LGI4: variants seen among roughly 807,000 people sequenced by gnomAD.
LGI4 encodes leucine-rich repeat LGI family member 4.
A neutral mutation model predicts 48.3 loss-of-function variants in LGI4; 36 were observed. The ratio of observed to expected loss-of-function variants is 0.75; its 90% confidence interval spans 0.57 to 0.98. The LOEUF (loss-of-function observed/expected upper bound fraction) is 0.98. Among genes scored for constraint, LGI4 ranks in the 50% least tolerant of loss-of-function variants. LGI4 has a pLI of 0.00. For synonymous variants in LGI4, 355 were observed against 331.6 expected, an observed-to-expected ratio of 1.07 and a Z score of -0.77; for missense variants, 701 against 732.1, an observed-to-expected ratio of 0.96 and a Z score of 0.49.
rs539577671 is a variant in LGI4, at chr19:35,124,890, T to C, written c.*303A>G. 8 of 279,028 alleles carry C rather than the reference T, an allele frequency of 2.9e-5. No homozygotes were observed. The Admixed American group carries it at 4.0e-4, about 14-fold the overall frequency. The allele number at this position is 279,028 out of a possible 1,614,324, so 17.3% of individuals were successfully genotyped here. ...CTCTGCACGTGACCTCCACCTCGAC[T>C]CCATGCAGTGCACCAGCCTGCACCC... is the stretch of plus-strand genomic sequence containing the variant. On this transcript the variant is annotated 3_prime_UTR_variant, in exon 9 of 9. Transcript: ENST00000310123.
chr19:35,131,920 G>A (rs1325927213), intron 4 of LGI4, 51 bp downstream of exon 4: 1 of 1,566,464 alleles, frequency 6.4e-7, no homozygotes, highest in Non-Finnish European at 8.7e-7. Flanking sequence ...TTCCCTGGGG[G>A]GTGGAGCATG....
rs2065121165 is a variant in LGI4, at chr19:35,125,066, A to G, written c.*127T>C. 2 of 749,072 alleles carry G rather than the reference A, an allele frequency of 2.7e-6. No homozygotes were observed. Among genetic ancestry groups the G allele is most frequent in the East Asian group, 5.5e-5 (2 of 36,584 alleles). 46.4% of individuals were successfully genotyped at this position (749,072 alleles called of 1,614,324 possible). On this transcript the variant is annotated 3_prime_UTR_variant, in exon 9 of 9. Transcript: ENST00000310123. ...TTTAAGAAGTGGGCTTAAGGCCTAG[A>G]CGTGTGGCTGATGAACGTGGCCCAC...
In LGI4 at chr19:35,134,783, G is replaced by T; in HGVS notation, c.-103C>A. 1 of 613,098 alleles carries T rather than the reference G, an allele frequency of 1.6e-6. No homozygotes were observed. Among genetic ancestry groups the T allele is most frequent in the South Asian group, 2.0e-5 (1 of 49,988 alleles). 38.0% of individuals were successfully genotyped at this position (613,098 alleles called of 1,614,324 possible). A position where few individuals can be genotyped will look rare whatever the true frequency, so the allele number is the denominator to read the frequency against. On this transcript the variant is annotated 5_prime_UTR_variant, in exon 1 of 9. Coordinates refer to ENST00000310123, the MANE Select transcript of LGI4 (RefSeq NM_139284.3). ...CCAGGCCGCCCTCCATCCGCCTGCT[G>T]GCACGCTCGGCCCTGGCTTCTCTCT...
chr19:35,131,453 G>A lies in LGI4; in HGVS notation c.561C>T (p.Gly187=), dbSNP rs1179662809. 2 of 1,551,902 alleles carry A rather than the reference G, an allele frequency of 1.3e-6. No homozygotes were observed. The highest frequency in any genetic ancestry group is 1.7e-6 in the Non-Finnish European group (2 of 1,147,164). Residue 187 remains glycine, a synonymous_variant, in exon 6 of 9, where the codon GGC becomes GGT. Coordinates refer to ENST00000310123, the MANE Select transcript of LGI4 (RefSeq NM_139284.3). ...GCTGCATGTGGCTCAGGGAGGCGGG[G>A]CCCGCACAGGCGCCGGTCCCCACGC... is the stretch of plus-strand genomic sequence containing the variant. ...NASVGTGACA[G]PASLSHMQLH...
At chr19:35,130,263 GT>G (rs1160483698) in intron 6 of LGI4, among the ~76,000 whole-genome samples, 1 of 152,202 alleles carries the variant, frequency 6.6e-6, no homozygotes, top group Non-Finnish European at 1.5e-5. Flanking sequence ...TCTATACTTT[GT>G]CTGTGTGTCT....
At position 35,131,444 on chromosome 19, in the gene LGI4, G is replaced by A; in HGVS notation, c.570C>T (p.Ser190=). 6.4e-7 allele frequency: 1 copy of A among 1,552,396 alleles called. No homozygotes were observed. Among genetic ancestry groups the A allele is most frequent in the Non-Finnish European group, 8.7e-7 (1 of 1,147,322 alleles). ...VGTGACAGPA[S]LSHMQLHHLD... The stretch of plus-strand genomic sequence containing the variant: ...GGTGGTGGAGCTGCATGTGGCTCAG[G>A]GAGGCGGGGCCCGCACAGGCGCCGG... The change falls in exon 6 of 9, where the codon TCC becomes TCT. Residue 190 remains serine, a synonymous_variant. Coordinates refer to ENST00000310123, the MANE Select transcript of LGI4 (RefSeq NM_139284.3).
At chr19:35,133,341 C>A in intron 3 of LGI4, 1 of 1,118,984 alleles carries the variant, frequency 8.9e-7, no homozygotes, top group Non-Finnish European at 1.1e-6. Flanking sequence ...GTTTCCTGGT[C>A]ATTTGAAACG....
At chr19:35,129,841 C>T (rs1465926631) in intron 6 of LGI4, among the ~76,000 whole-genome samples, 4 of 151,432 alleles carry the variant, frequency 2.6e-5, no homozygotes, top group South Asian at 2.1e-4. Flanking sequence ...TAGAGGAAGG[C>T]ATCTGTCTCC....
chr19:35,126,706 C>T lies in LGI4; in HGVS notation c.863G>A (p.Trp288Ter), dbSNP rs775997446. The T allele has an allele frequency of 3.2e-6, 5 of 1,538,512 alleles. No homozygotes were observed. The highest frequency in any genetic ancestry group is 1.2e-5 in the South Asian group (1 of 84,092). ...PSLFVLAARL[W>*]GGSQLWARPS... ...CCGGGCCCACAGCTGTGAGCCCCCCCACAGGCGGGCAGCCAGCACGAAGAG... is the reference window on the plus strand; with the variant it reads ...CCGGGCCCACAGCTGTGAGCCCCCCTACAGGCGGGCAGCCAGCACGAAGAG... Residue 288 changes from tryptophan to a stop codon, truncating the protein, a stop_gained, in exon 8 of 9, where the codon TGG becomes TAG. Coordinates refer to ENST00000310123, the MANE Select transcript of LGI4 (RefSeq NM_139284.3). LOFTEE classifies it high-confidence loss of function.
rs1397304641 is a variant in LGI4, at chr19:35,131,567, G to A, written c.459-12C>T. 6.5e-6 allele frequency: 10 copies of A among 1,547,702 alleles called. No homozygotes were observed. Among genetic ancestry groups the A allele is most frequent in the African/African-American group, 1.4e-5 (1 of 72,924 alleles). On this transcript the variant is annotated splice_polypyrimidine_tract_variant and intron_variant, in intron 5 of 8. Coordinates refer to ENST00000310123, the MANE Select transcript of LGI4 (RefSeq NM_139284.3). Reference sequence around the variant, plus strand: ...TCCCGCGGAGGTCCCTGGGGCAAGAGGCCAGGGAGGGGCTGCGACCCGGCT... The same window carrying A: ...TCCCGCGGAGGTCCCTGGGGCAAGAAGCCAGGGAGGGGCTGCGACCCGGCT...
chr19:35,131,134 C>G, intron 6 of LGI4: 4 of 611,686 alleles, frequency 6.5e-6, no homozygotes, highest in Non-Finnish European at 1.2e-5. Context: ...TTATAAGGAC[C>G]TCCTGTCCCA....
chr19:35,133,666 C>G, intron 3 of LGI4, 27 bp downstream of exon 3: 5 of 1,576,554 alleles, frequency 3.2e-6, no homozygotes, highest in Non-Finnish European at 4.3e-6. Context: ...CCAGACCCAC[C>G]TGCCTCCATC....
intron 6 of LGI4, 108 bp from the exon 7 acceptor site, chr19:35,127,125 C>G: frequency 9.1e-7 from 1 of 1,104,104 alleles, no homozygotes; most frequent in East Asian, 2.5e-5. Context: ...TGGTACCCCC[C>G]TCATAGGGAC....
Position 35,125,445 on chromosome 19 carries a change from G to A in LGI4, c.1362C>T (p.His454=), listed in dbSNP as rs1221050031. 3.7e-6 allele frequency: 6 copies of A among 1,605,220 alleles called. No homozygotes were observed. Among genetic ancestry groups the A allele is most frequent in the Non-Finnish European group, 3.4e-6 (4 of 1,175,804 alleles). ...TGGCGATGAGCAGTGGCTGGAAGAC[G>A]TGGGCACCGCGCGAGGGAAGTTGCT... The part of the protein sequence containing the change: ...LLQQLPSRGA[H]VFQPLLIARD... Residue 454 remains histidine, a synonymous_variant, in exon 9 of 9, where the codon CAC becomes CAT. Coordinates refer to ENST00000310123, the MANE Select transcript of LGI4 (RefSeq NM_139284.3).
intron 6 of LGI4, among the ~76,000 whole-genome samples, chr19:35,128,669 A>AGT (rs2065155893): frequency 6.6e-6 from 1 of 152,120 alleles, no homozygotes; most frequent in Non-Finnish European, 1.5e-5. Context: ...CCGTGATTGT[A>AGT]CCACTGAACT....
In LGI4 at chr19:35,134,793, G is replaced by A; in HGVS notation, c.-113C>T. The A allele has an allele frequency of 1.7e-6, 1 of 596,586 alleles. No homozygotes were observed. Among genetic ancestry groups the A allele is most frequent in the Non-Finnish European group, 2.9e-6 (1 of 343,584 alleles). 37.0% of individuals were successfully genotyped at this position (596,586 alleles called of 1,614,324 possible). Reference sequence around the variant, plus strand: ...CTCCATCCGCCTGCTGGCACGCTCGGCCCTGGCTTCTCTCTCCTCTTCTCC... The same window carrying A: ...CTCCATCCGCCTGCTGGCACGCTCGACCCTGGCTTCTCTCTCCTCTTCTCC... On this transcript the variant is annotated 5_prime_UTR_variant, in exon 1 of 9. Transcript: ENST00000310123.
At chr19:35,133,973 A>G in intron 2 of LGI4, 60 bp downstream of exon 2, 1 of 1,487,098 alleles carries the variant, frequency 6.7e-7, no homozygotes, top group Non-Finnish European at 9.2e-7. Context: ...ACACTCCCAC[A>G]CATGTGCATA....
Position 35,134,110 on chromosome 19 carries a change from G to C in LGI4, c.171-6C>G. On this transcript the variant is annotated splice_region_variant and splice_polypyrimidine_tract_variant and intron_variant, in intron 1 of 8. Coordinates refer to ENST00000310123, the MANE Select transcript of LGI4 (RefSeq NM_139284.3). ...CTCCCGTCCTGACGAGTGAGCTGGG[G>C]ATGTGGGCAGTGGTAGGTGAGAGGG... The C allele has an allele frequency of 1.3e-6, 2 of 1,561,888 alleles. No homozygotes were observed. The highest frequency in any genetic ancestry group is 1.7e-6 in the Non-Finnish European group (2 of 1,152,572).
intron 3 of LGI4, among the ~76,000 whole-genome samples, chr19:35,132,800 C>T (rs116825564): frequency 0.032 from 4,918 of 152,196 alleles, 275 homozygotes; most frequent in African/African-American, 0.11. Context: ...TCAGCATGAG[C>T]GCCACCAACA....
Sources: allele counts gnomAD v4.1 joint callset (sites outside exome capture counted in the v4.1 genomes callset), GRCh38; gene constraint gnomAD v4.1.1; transcripts MANE v1.5; gene names NCBI Gene and HGNC (gene_info 2026-07-23, HGNC 2026-07-21).